ITFG2: variants seen among roughly 807,000 people sequenced by gnomAD.
ITFG2 encodes the protein KICSTOR complex protein ITFG2.
Under a neutral mutation model 54.4 loss-of-function variants are expected in ITFG2, and 36 were observed. The observed-to-expected ratio is 0.66, with a 90% confidence interval of 0.51 to 0.87. ITFG2 has a LOEUF of 0.87. ITFG2 is among the 40% of genes least tolerant of loss of function. ITFG2 has a pLI of 0.00. For missense variants in ITFG2, 524 were observed against 576.7 expected (o/e 0.91, Z 0.94); for synonymous variants, 211 against 225.4 (o/e 0.94, Z 0.57).
chr12:2,813,571 G>A (rs1245315435), intron 1 of ITFG2, among the ~76,000 whole-genome samples: 8 of 152,174 alleles, frequency 5.3e-5, no homozygotes, highest in African/African-American at 1.4e-4. Context: ...CTAAAGTATG[G>A]AGAGGATTCT....
At chr12:2,855,150 C>T (rs201189252) in intron 2 of ITFG2, 5 of 1,527,760 alleles carry the variant, frequency 3.3e-6, no homozygotes, top group Non-Finnish European at 2.6e-6. Flanking sequence ...AGTCGGTCAG[C>T]CAGCGCCAGA....
At chr12:2,815,216 G>C (rs1436678589) in intron 1 of ITFG2, among the ~76,000 whole-genome samples, 1 of 152,184 alleles carries the variant, frequency 6.6e-6, no homozygotes, top group African/African-American at 2.4e-5. Context: ...TATCTCTGTT[G>C]CCTTTAGAAC....
At chr12:2,858,822 C>A in intron 3 of ITFG2, 1 of 1,614,158 alleles carries the variant, frequency 6.2e-7, no homozygotes, top group Non-Finnish European at 8.5e-7. Flanking sequence ...CTCCGGGGAG[C>A]CTGGCTTGGG....
At chr12:2,849,446 C>A (rs923186690) in intron 2 of ITFG2, 1 of 1,536,082 alleles carries the variant, frequency 6.5e-7, no homozygotes, top group Admixed American at 2.0e-5. Flanking sequence ...CAGCTCCTGG[C>A]GAAATTATTG....
chr12:2,829,533 GGAGGCCAAGGTGGAAGGATCGCTT>G (rs1423090683), downstream of ITFG2, among the ~76,000 whole-genome samples: 1 of 152,130 alleles, frequency 6.6e-6, no homozygotes, highest in Non-Finnish European at 1.5e-5. Context: ...AAGCACTTTG[GGAGGCCAAGGTGGAAGGATCGCTT>G]GAGGCCAGGA....
chr12:2,830,959 C>A (rs2097999332), downstream of ITFG2: 8 of 1,302,990 alleles, frequency 6.1e-6, no homozygotes, highest in Admixed American at 2.2e-5. Context: ...CTCCCCCCAC[C>A]CCCCCAGCCC....
At chr12:2,820,257 A>G (rs189870336) in intron 5 of ITFG2, 32 bp downstream of exon 5, 2 of 1,542,718 alleles carry the variant, frequency 1.3e-6, no homozygotes, top group African/African-American at 2.7e-5. Context: ...ACAAGGCCCC[A>G]GGGAGCTGGG....
chr12:2,847,173 G>A (rs1275942580), intron 2 of ITFG2, among the ~76,000 whole-genome samples: 3 of 152,154 alleles, frequency 2.0e-5, no homozygotes, highest in East Asian at 3.9e-4. Flanking sequence ...TATCCATGTT[G>A]TAACATGTAT....
chr12:2,813,744 A>G (rs913752869), intron 1 of ITFG2, among the ~76,000 whole-genome samples: 3 of 151,962 alleles, frequency 2.0e-5, no homozygotes, highest in African/African-American at 7.3e-5. Flanking sequence ...CAGTTCCTTA[A>G]CTGTCCTGTA....
intron 6 of ITFG2, 86 bp downstream of exon 6, chr12:2,820,958 T>C: frequency 7.0e-7 from 1 of 1,432,494 alleles, no homozygotes; most frequent in Non-Finnish European, 9.6e-7. Context: ...AAAATGGGTC[T>C]GCAGTTGGCA....
chr12:2,833,667 C>CA (rs1186401844), upstream of ITFG2, among the ~76,000 whole-genome samples: 2 of 152,138 alleles, frequency 1.3e-5, no homozygotes, highest in African/African-American at 4.8e-5. Flanking sequence ...CAAAGGATTT[C>CA]CTCTCTTCCA....
upstream of ITFG2, among the ~76,000 whole-genome samples, chr12:2,833,128 T>C (rs971248690): frequency 4.6e-5 from 7 of 151,984 alleles, no homozygotes; most frequent in East Asian, 3.9e-4. Flanking sequence ...TAGGGATCAA[T>C]TGGGGATATC....
chr12:2,847,616 A>C (rs1459135271), intron 2 of ITFG2, among the ~76,000 whole-genome samples: 1 of 151,282 alleles, frequency 6.6e-6, no homozygotes, highest in East Asian at 1.9e-4. Context: ...GCAGTGAGCC[A>C]AGATCACGCC....
rs2153927305 is a variant in ITFG2, at chr12:2,842,741, A to T, written n.300+1746A>T. On this transcript the variant is annotated intron_variant and non_coding_transcript_variant, in intron 2 of 3. Transcript: ENST00000537710. ...AGTGAGACCCTGTCTCAAAACAAAC[A>T]AACAAAAAATTTTAATTATAGATGT... Among the ~76,000 whole-genome samples, 2 of 152,224 alleles carry T rather than the reference A, an allele frequency of 1.3e-5. 1 individual carries two copies.
At chr12:2,839,649 G>C (rs1384318515) in intron 1 of ITFG2, among the ~76,000 whole-genome samples, 1 of 152,184 alleles carries the variant, frequency 6.6e-6, no homozygotes, top group African/African-American at 2.4e-5. Context: ...TGGAGAGCCA[G>C]ATGAGGTCCC....
At chr12:2,819,336 T>G (rs2097934164) in intron 4 of ITFG2, among the ~76,000 whole-genome samples, 2 of 151,668 alleles carry the variant, frequency 1.3e-5, no homozygotes, top group African/African-American at 4.8e-5. Flanking sequence ...GGCATGGTGG[T>G]GGGCACCTGT....
Position 2,840,273 on chromosome 12 carries a change from A to T in ITFG2, n.147-569A>T, listed in dbSNP as rs182804564. ...AGACCAGCCTGGCCAACATGGTGAAACCCCGTCTCTACTAAAAATACAAAA... is the reference window on the plus strand; with the variant it reads ...AGACCAGCCTGGCCAACATGGTGAATCCCCGTCTCTACTAAAAATACAAAA... On this transcript the variant is annotated intron_variant and non_coding_transcript_variant, in intron 1 of 3. Transcript: ENST00000537710. Among the ~76,000 whole-genome samples the T allele has an allele frequency of 7.8e-3, 1,176 of 151,726 alleles. 15 individuals carry two copies. Among genetic ancestry groups the T allele is most frequent in the Middle Eastern group, 0.037 (11 of 294 alleles).
intron 2 of ITFG2, 57 bp downstream of exon 2, chr12:2,817,375 C>G (rs1214075368): frequency 7.9e-7 from 1 of 1,268,756 alleles, no homozygotes; most frequent in African/African-American, 1.5e-5. Flanking sequence ...TGTCCAGGGA[C>G]CACCTAGGGT....
chr12:2,855,504 T>C, intron 2 of ITFG2: 1 of 1,303,840 alleles, frequency 7.7e-7, no homozygotes, highest in Non-Finnish European at 1.0e-6. Flanking sequence ...TGCAGAAAGG[T>C]GGGTGAGGCA....
Sources: allele counts gnomAD v4.1 joint callset (sites outside exome capture counted in the v4.1 genomes callset), GRCh38; gene constraint gnomAD v4.1.1; transcripts MANE v1.5; gene names NCBI Gene and HGNC (gene_info 2026-07-23, HGNC 2026-07-21).